GNPAT: variants seen among roughly 807,000 people sequenced by gnomAD.
GNPAT encodes the protein dihydroxyacetone phosphate acyltransferase.
GNPAT carries 30 observed loss-of-function variants against 78.4 expected under a neutral mutation model. That is an observed-to-expected ratio of 0.38 (90% CI 0.29 to 0.52). The LOEUF is 0.52. GNPAT is among the 20% of genes least tolerant of loss of function. GNPAT has a pLI of 0.84. For synonymous variants in GNPAT, 271 were observed against 281.1 expected, an observed-to-expected ratio of 0.96 and a Z score of 0.36; for missense variants, 714 against 812.2, an observed-to-expected ratio of 0.88 and a Z score of 1.47.
chr1:231,241,368 G>T lies in GNPAT; in HGVS notation c.-11G>T. ...AGAATCCCAGACCCCGCCCGGGAAGGCAGCCGCACCATGGAGTCTTCCAGT... is the reference window on the plus strand; with the variant it reads ...AGAATCCCAGACCCCGCCCGGGAAGTCAGCCGCACCATGGAGTCTTCCAGT... On this transcript the variant is annotated 5_prime_UTR_variant, in exon 1 of 16. Coordinates refer to ENST00000366647, the MANE Select transcript of GNPAT (RefSeq NM_014236.4). 6.2e-7 allele frequency: 1 copy of T among 1,610,500 alleles called. No homozygotes were observed. Among genetic ancestry groups the T allele is most frequent in the East Asian group, 2.2e-5 (1 of 44,866 alleles).
intron 2 of GNPAT, among the ~76,000 whole-genome samples, chr1:231,253,604 G>A (rs1684961396): frequency 6.6e-6 from 1 of 152,150 alleles, no homozygotes; most frequent in African/African-American, 2.4e-5. Flanking sequence ...TACATATCCT[G>A]GAGAGGCTAT....
chr1:231,265,978 A>G lies in GNPAT; in HGVS notation c.773-36A>G, dbSNP rs376364740. ...GTGCTCATGTTTGCTCTGCTCTTCAATATGTTGATGAAGCATTTCTCCCTG... is the reference window on the plus strand; with the variant it reads ...GTGCTCATGTTTGCTCTGCTCTTCAGTATGTTGATGAAGCATTTCTCCCTG... On this transcript the variant is annotated intron_variant, in intron 6 of 15. Coordinates refer to ENST00000366647, the MANE Select transcript of GNPAT (RefSeq NM_014236.4). 4 of 1,583,528 alleles carry G rather than the reference A, an allele frequency of 2.5e-6. No individual in the cohort carries two copies. In the African/African-American group the frequency reaches 5.4e-5, roughly 21 times the overall value.
rs114613402 is a variant in GNPAT at position 231,274,774 on chromosome 1, G to C, written c.1744-447G>C. ...ATTCAGCCTCCTTGCACAAAGTCTAGCACTTACTGAGCATTTGATAAATGC... is the reference window on the plus strand; with the variant it reads ...ATTCAGCCTCCTTGCACAAAGTCTACCACTTACTGAGCATTTGATAAATGC... On this transcript the variant is annotated intron_variant, in intron 12 of 15. Transcript: ENST00000366647. 1.8e-3 allele frequency: 425 copies of C among 232,378 alleles called. 2 individuals carry two copies. The highest frequency in any genetic ancestry group is 9.0e-3 in the African/African-American group (387 of 42,860). 14.4% of individuals were successfully genotyped at this position (232,378 alleles called of 1,614,324 possible). A position where few individuals can be genotyped will look rare whatever the true frequency, so the allele number is the denominator to read the frequency against.
intron 15 of GNPAT, among the ~76,000 whole-genome samples, chr1:231,276,909 G>T (rs1250521575): frequency 6.6e-6 from 1 of 152,176 alleles, no homozygotes; most frequent in Non-Finnish European, 1.5e-5. Context: ...TACTGTTTTT[G>T]TACCTAATCT....
intron 2 of GNPAT, among the ~76,000 whole-genome samples, chr1:231,256,479 CTTTTTTTTTTTT>C (rs10693276): frequency 4.0e-5 from 3 of 75,904 alleles, no homozygotes; most frequent in African/African-American, 1.1e-4. Context: ...CTAATTTTCT[CTTTTTTTTTTTT>C]TTTTTTTTTT....
chr1:231,241,260 G>A lies in GNPAT; in HGVS notation c.-119G>A. 1.4e-6 allele frequency: 2 copies of A among 1,426,846 alleles called. No individual in the cohort carries two copies. The highest frequency in any genetic ancestry group is 2.3e-5 in the South Asian group (2 of 87,246). 88.4% of individuals were successfully genotyped at this position (1,426,846 alleles called of 1,614,324 possible). A position where few individuals can be genotyped will look rare whatever the true frequency, so the allele number is the denominator to read the frequency against. ...CCCGGGATCCTGTGTAGCGGCTGCA[G>A]AGGGTGCCGCCGCCCTAGGCGAAGT... On this transcript the variant is annotated 5_prime_UTR_variant, in exon 1 of 16. Coordinates refer to ENST00000366647, the MANE Select transcript of GNPAT (RefSeq NM_014236.4).
intron 2 of GNPAT, among the ~76,000 whole-genome samples, chr1:231,251,967 G>A (rs1457252564): frequency 6.6e-6 from 1 of 152,206 alleles, no homozygotes; most frequent in African/African-American, 2.4e-5. Context: ...GCAAAGAAGG[G>A]ATGATAATAA....
intron 1 of GNPAT, among the ~76,000 whole-genome samples, chr1:231,250,080 T>TTTATTATTATTA (rs140643889): frequency 6.9e-6 from 1 of 144,716 alleles, no homozygotes; most frequent in African/African-American, 2.5e-5. Flanking sequence ...ACTGTACCTC[T>TTTATTATTATTA]TTATTATTAT....
chr1:231,265,563 A>T (rs1412610416), intron 5 of GNPAT, 143 bp downstream of exon 5: 1 of 892,272 alleles, frequency 1.1e-6, no homozygotes, highest in Non-Finnish European at 1.9e-6. Context: ...AATTGGTTTA[A>T]TCTGTGTGAC....
chr1:231,261,475 G>A lies in GNPAT; in HGVS notation c.438+792G>A, dbSNP rs929693285. Among the ~76,000 whole-genome samples, 8 of 152,090 alleles carry A rather than the reference G, an allele frequency of 5.3e-5. No homozygotes were observed. In the East Asian group the frequency reaches 7.7e-4, roughly 15 times the overall value. ...AGCGATGCATTCTTCTCAGTGGGTC[G>A]TGTCAGCAATGCATGGTGCCTGTCG... is the stretch of plus-strand genomic sequence containing the variant. On this transcript the variant is annotated intron_variant, in intron 3 of 15. Coordinates refer to ENST00000366647, the MANE Select transcript of GNPAT (RefSeq NM_014236.4).
At chr1:231,259,037 A>G (rs1447948992) in intron 2 of GNPAT, among the ~76,000 whole-genome samples, 1 of 151,996 alleles carries the variant, frequency 6.6e-6, no homozygotes, top group African/African-American at 2.4e-5. Flanking sequence ...AATTCATATC[A>G]TCCCTTTACT....
At chr1:231,268,416 G>A (rs185544632) in intron 9 of GNPAT, among the ~76,000 whole-genome samples, 8 of 152,200 alleles carry the variant, frequency 5.3e-5, no homozygotes, top group Non-Finnish European at 8.8e-5. Flanking sequence ...TTCCCACTAC[G>A]AGACTCTGAA....
At chr1:231,261,980 G>T (rs895870792) in intron 3 of GNPAT, among the ~76,000 whole-genome samples, 2 of 152,110 alleles carry the variant, frequency 1.3e-5, no homozygotes, top group Non-Finnish European at 2.9e-5. Context: ...GACCAAGGGT[G>T]GTGGTGAGCC....
intron 9 of GNPAT, among the ~76,000 whole-genome samples, chr1:231,269,011 A>G (rs1301953191): frequency 1.3e-5 from 2 of 151,164 alleles, no homozygotes; most frequent in African/African-American, 2.4e-5. Context: ...TCAACCCAAT[A>G]CTGAATACCT....
At chr1:231,260,740 A>C in intron 3 of GNPAT, 57 bp downstream of exon 3, 2 of 789,074 alleles carry the variant, frequency 2.5e-6, no homozygotes, top group South Asian at 1.8e-5. Flanking sequence ...AAAATTAAAC[A>C]AAAAAAAAAA....
chr1:231,258,190 C>G (rs1571942123), intron 2 of GNPAT: 1 of 152,298 alleles, frequency 6.6e-6, no homozygotes, highest in African/African-American at 2.4e-5. Context: ...TTTCACCAAC[C>G]CTTAATTCTC....
intron 2 of GNPAT, among the ~76,000 whole-genome samples, chr1:231,253,068 A>AAG (rs1684945102): frequency 6.6e-6 from 1 of 152,162 alleles, no homozygotes; most frequent in African/African-American, 2.4e-5. Context: ...TCCCGGGTTC[A>AAG]TGCCATTCTC....
chr1:231,277,564 A>G lies in GNPAT; in HGVS notation c.*22A>G. On this transcript the variant is annotated 3_prime_UTR_variant, in exon 16 of 16. Coordinates refer to ENST00000366647, the MANE Select transcript of GNPAT (RefSeq NM_014236.4). ...TTAATAATCAACAAATAGTTATGGAAAATTCGGTCACGTAATTACTCTCAT... is the reference window on the plus strand; with the variant it reads ...TTAATAATCAACAAATAGTTATGGAGAATTCGGTCACGTAATTACTCTCAT... The G allele has an allele frequency of 6.8e-7, 1 of 1,475,664 alleles. No individual in the cohort carries two copies. The highest frequency in any genetic ancestry group is 9.5e-7 in the Non-Finnish European group (1 of 1,053,606). The allele number at this position is 1,475,664 out of a possible 1,614,324, so 91.4% of individuals were successfully genotyped here.
chr1:231,275,165 G>T, intron 12 of GNPAT, 56 bp from the exon 13 acceptor site: 1 of 991,308 alleles, frequency 1.0e-6, no homozygotes, highest in Non-Finnish European at 1.6e-6. Flanking sequence ...CTATTCTGTT[G>T]AACTTGGCTA....
Sources: gnomAD v4.1 joint callset for allele counts (sites outside exome capture counted in the v4.1 genomes callset) on GRCh38, gnomAD v4.1.1 for gene constraint, MANE v1.5 for transcripts, NCBI Gene and HGNC (gene_info 2026-07-23, HGNC 2026-07-21) for gene names.